CNTN5: variants seen among roughly 807,000 people sequenced by gnomAD.
CNTN5 encodes contactin-5.
In CNTN5, 77 loss-of-function variants were observed where a neutral mutation model predicts 129.1. The observed-to-expected ratio is 0.60, with a 90% CI of 0.50 to 0.72. The LOEUF is 0.72. Among genes scored for constraint, CNTN5 ranks in the 30% least tolerant of loss-of-function variants. CNTN5 has a pLI of 0.00. For synonymous variants in CNTN5, 509 were observed against 465.6 expected (o/e 1.09, Z -1.20); for missense variants, 1,478 against 1,328.8 (o/e 1.11, Z -1.75).
At chr11:100,137,864 G>A (rs1424320557) in intron 13 of CNTN5, among the ~76,000 whole-genome samples, 1 of 152,136 alleles carries the variant, frequency 6.6e-6, no homozygotes, top group African/African-American at 2.4e-5. Context: ...TAATCATTCT[G>A]CCCACAGTGT....
chr11:99,300,442 C>A (rs1864586465), intron 1 of CNTN5, among the ~76,000 whole-genome samples: 2 of 151,788 alleles, frequency 1.3e-5, no homozygotes, highest in South Asian at 4.2e-4. Flanking sequence ...TATGTTGAAC[C>A]ATCCTTGCAT....
At chr11:99,150,119 G>A (rs1406402288) in intron 1 of CNTN5, among the ~76,000 whole-genome samples, 3 of 151,992 alleles carry the variant, frequency 2.0e-5, no homozygotes, top group African/African-American at 7.2e-5. Flanking sequence ...TGTTTGAAAT[G>A]TAGTTCTTTT....
intron 6 of CNTN5, among the ~76,000 whole-genome samples, chr11:99,900,013 G>A (rs1473742901): frequency 6.6e-6 from 1 of 151,742 alleles, no homozygotes; most frequent in Non-Finnish European, 1.5e-5. Flanking sequence ...GTTCTAGCTT[G>A]CGTTCATAAA....
intron 3 of CNTN5, among the ~76,000 whole-genome samples, chr11:99,653,254 T>A (rs1952226956): frequency 6.6e-6 from 1 of 151,982 alleles, no homozygotes; most frequent in Non-Finnish European, 1.5e-5. Context: ...CAAAGAATTG[T>A]CTCTTTCATT....
rs199714677 is a variant in CNTN5 at position 100,299,313 on chromosome 11, C to A, written c.2537C>A (p.Pro846His). 6.2e-7 allele frequency: 1 copy of A among 1,610,498 alleles called. No individual in the cohort carries two copies. Among genetic ancestry groups the A allele is most frequent in the Non-Finnish European group, 8.5e-7 (1 of 1,177,668 alleles). Residue 846 changes from proline (P) to histidine (H), a missense_variant, in exon 20 of 25, where the codon CCC becomes CAC. Coordinates refer to ENST00000524871, the MANE Select transcript of CNTN5 (RefSeq NM_014361.4). ...YRDESVPPLT[P>H]FEVKVGVYNN... The stretch of plus-strand genomic sequence containing the variant: ...GATGAAAGTGTCCCTCCTCTTACTC[C>A]CTTTGAAGTGAAAGTTGGCGTTTAT...
At chr11:99,121,222 C>T (rs1398913549) in intron 1 of CNTN5, among the ~76,000 whole-genome samples, 1 of 151,668 alleles carries the variant, frequency 6.6e-6, no homozygotes, top group Admixed American at 6.6e-5. Flanking sequence ...GCAACCTCCA[C>T]CTTCTGGGTT....
intron 2 of CNTN5, among the ~76,000 whole-genome samples, chr11:99,353,868 T>C (rs1431370950): frequency 6.6e-6 from 1 of 152,174 alleles, no homozygotes; most frequent in African/African-American, 2.4e-5. Context: ...GTCCATACAG[T>C]GGTGTTCTTG....
intron 2 of CNTN5, among the ~76,000 whole-genome samples, chr11:99,518,712 T>C (rs990279070): frequency 1.3e-5 from 2 of 152,102 alleles, no homozygotes; most frequent in Non-Finnish European, 2.9e-5. Context: ...CCATTTTCTT[T>C]GTAGTCCAGA....
chr11:99,271,398 T>C (rs1420776963), intron 1 of CNTN5, among the ~76,000 whole-genome samples: 1 of 151,902 alleles, frequency 6.6e-6, no homozygotes, highest in African/African-American at 2.4e-5. Flanking sequence ...ACTATTTTAT[T>C]TATGGGATGG....
At chr11:99,852,650 C>G (rs1349047554) in intron 6 of CNTN5, among the ~76,000 whole-genome samples, 1 of 152,132 alleles carries the variant, frequency 6.6e-6, no homozygotes, top group Non-Finnish European at 1.5e-5. Flanking sequence ...ATAACTCTGT[C>G]TTTATGTGAC....
chr11:100,142,506 A>G (rs565394516), intron 13 of CNTN5, among the ~76,000 whole-genome samples: 1 of 152,322 alleles, frequency 6.6e-6, no homozygotes, highest in South Asian at 2.1e-4. Flanking sequence ...CTACAAATAG[A>G]AAATTTCGCA....
chr11:99,375,641 A>C (rs1378553420), intron 2 of CNTN5, among the ~76,000 whole-genome samples: 1 of 152,200 alleles, frequency 6.6e-6, no homozygotes, highest in Non-Finnish European at 1.5e-5. Context: ...AAAATATAAG[A>C]GTGACTTCCC....
intron 3 of CNTN5, among the ~76,000 whole-genome samples, chr11:99,811,957 GA>G (rs1290341386): frequency 6.6e-6 from 1 of 152,080 alleles, no homozygotes; most frequent in Non-Finnish European, 1.5e-5. Context: ...TCTCTGAAAA[GA>G]AAAAGGTATG....
At chr11:100,214,130 A>T (rs1949091689) in intron 15 of CNTN5, among the ~76,000 whole-genome samples, 1 of 152,202 alleles carries the variant, frequency 6.6e-6, no homozygotes, top group Non-Finnish European at 1.5e-5. Flanking sequence ...ACTGGAAAAT[A>T]GTCTTTAGAA....
chr11:99,908,222 A>G (rs1390059614), intron 6 of CNTN5, among the ~76,000 whole-genome samples: 1 of 152,058 alleles, frequency 6.6e-6, no homozygotes, highest in East Asian at 1.9e-4. Context: ...GAAAGGGGTA[A>G]GGAGTCATAG....
chr11:99,793,260 C>T (rs570870682), intron 3 of CNTN5, among the ~76,000 whole-genome samples: 3 of 152,196 alleles, frequency 2.0e-5, no homozygotes, highest in Non-Finnish European at 4.4e-5. Context: ...GGGGTTTCAC[C>T]GTGTTAGCCA....
chr11:99,905,176 G>T (rs1254469510), intron 6 of CNTN5, among the ~76,000 whole-genome samples: 1 of 152,124 alleles, frequency 6.6e-6, no homozygotes, highest in Non-Finnish European at 1.5e-5. Flanking sequence ...GGCTTTTGTT[G>T]TCATTGCTTT....
intron 6 of CNTN5, among the ~76,000 whole-genome samples, chr11:99,898,851 T>G (rs1949277993): frequency 6.6e-6 from 1 of 152,180 alleles, no homozygotes; most frequent in South Asian, 2.1e-4. Context: ...TTTTATATCC[T>G]GTATTTTTCT....
chr11:100,143,474 G>T (rs1946760240), intron 13 of CNTN5, among the ~76,000 whole-genome samples: 1 of 152,078 alleles, frequency 6.6e-6, no homozygotes, highest in African/African-American at 2.4e-5. Flanking sequence ...GTTATACTAG[G>T]AAAGAGAACA....
Sources: gnomAD v4.1 joint callset for allele counts (sites outside exome capture counted in the v4.1 genomes callset) on GRCh38, gnomAD v4.1.1 for gene constraint, MANE v1.5 for transcripts, NCBI Gene and HGNC (gene_info 2026-07-23, HGNC 2026-07-21) for gene names.